The following ADGRF4 variants were observed in gnomAD, a reference collection of about 807,000 sequenced individuals.
ADGRF4 encodes the protein adhesion G protein-coupled receptor F4.
In ADGRF4, 63 loss-of-function variants were observed where a neutral mutation model predicts 58.5. The observed-to-expected ratio is 1.08, with a 90% CI of 0.88 to 1.33. The LOEUF (loss-of-function observed/expected upper bound fraction) is 1.33. Ranked by LOEUF, ADGRF4 falls within the 40% of genes most tolerant of loss-of-function variation. The pLI, the probability that ADGRF4 is intolerant of heterozygous loss-of-function variation, is 0.00. For synonymous variants in ADGRF4, 313 were observed against 295.4 expected (o/e 1.06, Z -0.61); for missense variants, 931 against 843.9 (o/e 1.10, Z -1.28).
intron 5 of ADGRF4, 106 bp downstream of exon 5, chr6:47,712,714 A>C (rs871654): frequency 0.25 from 192,564 of 763,654 alleles, 27,689 homozygotes; most frequent in East Asian, 0.56. Flanking sequence ...GCAACCATCA[A>C]AGCAACAGCA....
intron 9 of ADGRF4, among the ~76,000 whole-genome samples, chr6:47,718,907 A>T (rs567848629): frequency 6.6e-6 from 1 of 152,328 alleles, no homozygotes; most frequent in South Asian, 2.1e-4. Context: ...ATTTCTACAC[A>T]GGTGAAACCA....
At chr6:47,699,964 T>G (rs1397357703) in intron 1 of ADGRF4, among the ~76,000 whole-genome samples, 2 of 146,962 alleles carry the variant, frequency 1.4e-5, no homozygotes, top group Non-Finnish European at 3.0e-5. Context: ...GTCACTTAAC[T>G]CTTAGGTTCC....
At chr6:47,720,621 A>G (rs1234899426) in intron 9 of ADGRF4, among the ~76,000 whole-genome samples, 2 of 152,162 alleles carry the variant, frequency 1.3e-5, no homozygotes, top group South Asian at 2.1e-4. Context: ...TCTGGGAGGC[A>G]GGGGAGAGAG....
At chr6:47,716,429 A>G (rs991333375) in intron 6 of ADGRF4, among the ~76,000 whole-genome samples, 1 of 152,134 alleles carries the variant, frequency 6.6e-6, no homozygotes, top group African/African-American at 2.4e-5. Flanking sequence ...TTTTCTTAAG[A>G]CACCTTCCAT....
chr6:47,707,307 G>A lies in ADGRF4; in HGVS notation c.62G>A (p.Cys21Tyr), dbSNP rs749852232. 19 of 1,612,488 alleles carry A rather than the reference G, an allele frequency of 1.2e-5. No individual in the cohort carries two copies. Among genetic ancestry groups the A allele is most frequent in the Non-Finnish European group, 1.6e-5 (19 of 1,178,614 alleles). ...CCLVFFLSTE[C>Y]SHYRSKIHLK... ...TTAGTGTTCTTTCTGTCCACAGAAT[G>A]TTCCCACTATAGATCCAAGATTCAC... is the stretch of plus-strand genomic sequence containing the variant. Residue 21 changes from cysteine (C) to tyrosine (Y), a missense_variant, in exon 2 of 10, where the codon TGT becomes TAT. Transcript: ENST00000283303.
chr6:47,702,465 C>T (rs1330343834), intron 1 of ADGRF4, among the ~76,000 whole-genome samples: 2 of 152,210 alleles, frequency 1.3e-5, no homozygotes, highest in African/African-American at 4.8e-5. Context: ...AAAATTAGGT[C>T]AGTCTATATA....
chr6:47,711,864 A>T (rs1208065062), intron 4 of ADGRF4, among the ~76,000 whole-genome samples: 1 of 148,846 alleles, frequency 6.7e-6, no homozygotes, highest in African/African-American at 2.5e-5. Context: ...TCGAAAGTGA[A>T]TGAAAGGAAA....
At position 47,714,042 on chromosome 6, in the gene ADGRF4, C is replaced by T; in HGVS notation, c.797C>T (p.Thr266Ile). 2 of 1,612,936 alleles carry T rather than the reference C, an allele frequency of 1.2e-6. No individual in the cohort carries two copies. Among genetic ancestry groups the T allele is most frequent in the Non-Finnish European group, 1.7e-6 (2 of 1,179,562 alleles). ...LNFSMSMNNT[T>I]EDILGMVQIP... ...TTCTCCATGAGCATGAACAATACCA[C>T]AGAAGATATCTTAGGAATGGTACAG... The change falls in exon 6 of 10, where the codon ACA becomes ATA. Residue 266 changes from threonine (T) to isoleucine (I), a missense_variant. By Grantham distance (89) the Thr-to-Ile change is moderately conservative. Coordinates refer to ENST00000283303, the MANE Select transcript of ADGRF4 (RefSeq NM_153838.5).
intron 5 of ADGRF4, among the ~76,000 whole-genome samples, chr6:47,713,298 A>G (rs1476572452): frequency 6.6e-6 from 1 of 152,212 alleles, no homozygotes; most frequent in East Asian, 1.9e-4. Flanking sequence ...TCCATTTTTA[A>G]AAGGGAGATC....
chr6:47,712,867 G>A (rs1429091790), intron 5 of ADGRF4, among the ~76,000 whole-genome samples: 1 of 152,194 alleles, frequency 6.6e-6, no homozygotes, highest in Non-Finnish European at 1.5e-5. Flanking sequence ...CTATGAGCAA[G>A]ACGGAATGTA....
chr6:47,714,851 A>C lies in ADGRF4; in HGVS notation c.1606A>C (p.Ile536Leu). 1 of 1,609,830 alleles carries C rather than the reference A, an allele frequency of 6.2e-7. No homozygotes were observed. Among genetic ancestry groups the C allele is most frequent in the Non-Finnish European group, 8.5e-7 (1 of 1,176,284 alleles). Residue 536 changes from isoleucine to leucine, a missense_variant, in exon 6 of 10, where the codon ATC becomes CTC. Coordinates refer to ENST00000283303, the MANE Select transcript of ADGRF4 (RefSeq NM_153838.5). ...PLIIAVTTVA[I>L]TEPEKGYMRP... ...GATCATTGCTGTCACTACAGTTGCT[A>C]TCACAGAGCCAGAGAAAGGCTACAT...
chr6:47,700,389 C>T (rs1007473038), intron 1 of ADGRF4, among the ~76,000 whole-genome samples: 3 of 152,152 alleles, frequency 2.0e-5, no homozygotes, highest in African/African-American at 7.2e-5. Flanking sequence ...AAAGAAGCTC[C>T]AGTACCCAGA....
chr6:47,715,856 C>T (rs963299984), intron 6 of ADGRF4, among the ~76,000 whole-genome samples: 3 of 152,126 alleles, frequency 2.0e-5, no homozygotes, highest in Non-Finnish European at 2.9e-5. Context: ...AAATAGAAAG[C>T]AGACTTTAAA....
intron 1 of ADGRF4, among the ~76,000 whole-genome samples, chr6:47,704,773 G>C (rs1771667964): frequency 6.6e-6 from 1 of 152,084 alleles, no homozygotes; most frequent in African/African-American, 2.4e-5. Flanking sequence ...AGGTAGCAAA[G>C]ATAAGTATTT....
At chr6:47,717,205 G>A (rs933673003) in intron 7 of ADGRF4, 87 bp from the exon 8 acceptor site, 17 of 909,300 alleles carry the variant, frequency 1.9e-5, no homozygotes, top group African/African-American at 3.3e-5. Flanking sequence ...TTCTGCCAGG[G>A]TTACTGGTCT....
At chr6:47,710,189 A>G (rs1771827596) in intron 3 of ADGRF4, among the ~76,000 whole-genome samples, 1 of 152,200 alleles carries the variant, frequency 6.6e-6, no homozygotes, top group Non-Finnish European at 1.5e-5. Flanking sequence ...AATTGTTCAG[A>G]ACACTTAGTA....
In ADGRF4 at chr6:47,713,830, C is replaced by A; in HGVS notation, c.585C>A (p.Asp195Glu). ...SYSEVANHIL[D>E]TAAISNWAFI... Reference sequence around the variant, plus strand: ...GTGAAGTGGCCAACCACATCCTCGACACAGCAGCCATTTCAAACTGGGCTT... The same window carrying A: ...GTGAAGTGGCCAACCACATCCTCGAAACAGCAGCCATTTCAAACTGGGCTT... The change falls in exon 6 of 10, where the codon GAC becomes GAA. Residue 195 changes from aspartate to glutamate, a missense_variant. Physicochemically the swap from Asp to Glu is conservative, Grantham distance 45. Coordinates refer to ENST00000283303, the MANE Select transcript of ADGRF4 (RefSeq NM_153838.5). 1 of 1,576,774 alleles carries A rather than the reference C, an allele frequency of 6.3e-7. No individual in the cohort carries two copies. Among genetic ancestry groups the A allele is most frequent in the Non-Finnish European group, 8.6e-7 (1 of 1,162,458 alleles).
intron 6 of ADGRF4, chr6:47,715,380 T>G (rs1240803123): frequency 3.9e-6 from 2 of 515,886 alleles, no homozygotes; most frequent in Non-Finnish European, 6.9e-6. Flanking sequence ...TCCTTCCTTC[T>G]TTCCTCACTG....
At position 47,716,331 on chromosome 6, in the gene ADGRF4, G is replaced by GT. The variant is rs373367383; in HGVS notation, c.1933-465dup. On this transcript the variant is annotated intron_variant, in intron 6 of 9. Coordinates refer to ENST00000283303, the MANE Select transcript of ADGRF4 (RefSeq NM_153838.5). ...CATTCTCTTTCTTTTATGTAGAAAT[G>GT]TTTTTTTTTTCCACCAGCTTAGAGG... is the stretch of plus-strand genomic sequence containing the variant. Among the ~76,000 whole-genome samples the GT allele has an allele frequency of 1.6e-3, 236 of 148,760 alleles. 1 individual carries two copies. The highest frequency in any genetic ancestry group is 4.3e-3 in the South Asian group (20 of 4,696).
Sources: allele counts gnomAD v4.1 joint callset (sites outside exome capture counted in the v4.1 genomes callset), GRCh38; gene constraint gnomAD v4.1.1; transcripts MANE v1.5; gene names NCBI Gene and HGNC (gene_info 2026-07-23, HGNC 2026-07-21).